SPOPL: variants seen among roughly 807,000 people sequenced by gnomAD.
SPOPL encodes the protein speckle type BTB/POZ protein like.
A neutral mutation model predicts 53.8 loss-of-function variants in SPOPL; 23 were observed. The observed-to-expected ratio is 0.43, with a 90% CI of 0.31 to 0.61. The LOEUF is 0.61. Among genes scored for constraint, SPOPL ranks in the 20% least tolerant of loss-of-function variants. The probability of loss-of-function intolerance (pLI) is 0.12; values close to 1 mark genes in which losing one functional copy is unlikely to be tolerated. For synonymous variants in SPOPL, 164 were observed against 149.7 expected (o/e 1.10, Z -0.70); for missense variants, 442 against 466.9 (o/e 0.95, Z 0.49).
chr2:138,530,371 G>A (rs559378452), intron 1 of SPOPL, among the ~76,000 whole-genome samples: 3 of 152,222 alleles, frequency 2.0e-5, no homozygotes, highest in Non-Finnish European at 4.4e-5. Context: ...TGGGTCGAAT[G>A]GTAGTTATGT....
At chr2:138,542,525 A>T (rs1415663115) in intron 1 of SPOPL, among the ~76,000 whole-genome samples, 1 of 152,022 alleles carries the variant, frequency 6.6e-6, no homozygotes, top group African/African-American at 2.4e-5. Flanking sequence ...TTGTTGGTTT[A>T]AAGTCTGTTT....
intron 1 of SPOPL, among the ~76,000 whole-genome samples, chr2:138,531,816 A>G (rs1481219238): frequency 6.6e-6 from 1 of 151,728 alleles, no homozygotes; most frequent in African/African-American, 2.4e-5. Flanking sequence ...GCTTTTATTC[A>G]TAAGCGTCTG....
At chr2:138,533,097 G>A (rs1684847739) in intron 1 of SPOPL, among the ~76,000 whole-genome samples, 1 of 152,084 alleles carries the variant, frequency 6.6e-6, no homozygotes, top group Non-Finnish European at 1.5e-5. Flanking sequence ...TGTGCTAAGG[G>A]TGTGTATATG....
At chr2:138,525,663 A>ACAAAAAC (rs1553468797) in intron 1 of SPOPL, among the ~76,000 whole-genome samples, 4 of 130,482 alleles carry the variant, frequency 3.1e-5, no homozygotes, top group Non-Finnish European at 4.7e-5. Context: ...GTAGAAAAAA[A>ACAAAAAC]AAAAAAAAAA....
At chr2:138,537,534 T>C (rs1171162165) in intron 1 of SPOPL, among the ~76,000 whole-genome samples, 1 of 152,222 alleles carries the variant, frequency 6.6e-6, no homozygotes, top group Admixed American at 6.5e-5. Context: ...GGATTTCATT[T>C]CTGCCTTTTA....
At chr2:138,564,590 T>A in intron 8 of SPOPL, 118 bp from the exon 9 acceptor site, 1 of 1,174,670 alleles carries the variant, frequency 8.5e-7, no homozygotes, top group Non-Finnish European at 1.2e-6. Flanking sequence ...TTAAAGAATT[T>A]TAAAATAATC....
chr2:138,513,528 C>T (rs1016073132), intron 1 of SPOPL, among the ~76,000 whole-genome samples: 7 of 151,686 alleles, frequency 4.6e-5, no homozygotes, highest in Admixed American at 1.3e-4. Context: ...CCAGTGTAGG[C>T]GACAGAGTGA....
intron 1 of SPOPL, among the ~76,000 whole-genome samples, chr2:138,529,532 G>T (rs1396743420): frequency 7.2e-6 from 1 of 139,740 alleles, no homozygotes; most frequent in African/African-American, 2.9e-5. Context: ...GTGTGTGTGT[G>T]TGTTTGCGTG....
chr2:138,532,866 A>G (rs1000766840), intron 1 of SPOPL, among the ~76,000 whole-genome samples: 3 of 151,968 alleles, frequency 2.0e-5, no homozygotes, highest in Non-Finnish European at 4.4e-5. Context: ...ACCTTTAAAC[A>G]TACTTATTTT....
intron 1 of SPOPL, among the ~76,000 whole-genome samples, chr2:138,533,232 T>C (rs1320077341): frequency 6.6e-6 from 1 of 152,194 alleles, no homozygotes; most frequent in African/African-American, 2.4e-5. Context: ...CTGATTCACA[T>C]TGGTCTCAGT....
intron 1 of SPOPL, among the ~76,000 whole-genome samples, chr2:138,535,940 A>G (rs1322848172): frequency 6.6e-6 from 1 of 152,106 alleles, no homozygotes; most frequent in Non-Finnish European, 1.5e-5. Context: ...CATTTCAGTT[A>G]TATGGTTCAG....
At chr2:138,534,700 C>G (rs1348282089) in intron 1 of SPOPL, among the ~76,000 whole-genome samples, 1 of 152,208 alleles carries the variant, frequency 6.6e-6, no homozygotes. Context: ...CAACTAGCAC[C>G]TCTGTCTAGT....
At chr2:138,502,406 C>T (rs988235887) in intron 1 of SPOPL, among the ~76,000 whole-genome samples, 1 of 152,236 alleles carries the variant, frequency 6.6e-6, no homozygotes, top group African/African-American at 2.4e-5. Flanking sequence ...TTTAGTTTTA[C>T]CCCCGGGCCT....
At chr2:138,528,171 G>C (rs573781150) in intron 1 of SPOPL, among the ~76,000 whole-genome samples, 1 of 152,296 alleles carries the variant, frequency 6.6e-6, no homozygotes, top group South Asian at 2.1e-4. Flanking sequence ...GGGCTTTGGC[G>C]TGATGGTAAA....
chr2:138,525,717 A>G (rs1245029171), intron 1 of SPOPL, among the ~76,000 whole-genome samples: 1 of 151,534 alleles, frequency 6.6e-6, no homozygotes, highest in Non-Finnish European at 1.5e-5. Context: ...ACATGGCTGT[A>G]TTCCCGGCTA....
chr2:138,532,502 C>T (rs1166522660), intron 1 of SPOPL, among the ~76,000 whole-genome samples: 1 of 138,848 alleles, frequency 7.2e-6, no homozygotes, highest in African/African-American at 2.6e-5. Flanking sequence ...TCTTGGCTCA[C>T]TGCAAGCTCT....
intron 1 of SPOPL, among the ~76,000 whole-genome samples, chr2:138,543,766 T>A (rs1295825995): frequency 1.3e-5 from 2 of 152,212 alleles, no homozygotes; most frequent in East Asian, 3.9e-4. Flanking sequence ...AGCTTTGTTC[T>A]GTTGCTAGTG....
intron 1 of SPOPL, among the ~76,000 whole-genome samples, chr2:138,545,240 C>T (rs1310027847): frequency 6.6e-6 from 1 of 151,998 alleles, no homozygotes; most frequent in Non-Finnish European, 1.5e-5. Flanking sequence ...GGTACCAGCA[C>T]CGTATACCAG....
intron 1 of SPOPL, among the ~76,000 whole-genome samples, chr2:138,522,996 A>G (rs899602085): frequency 6.6e-6 from 1 of 152,218 alleles, no homozygotes; most frequent in African/African-American, 2.4e-5. Context: ...TAGAGATGAT[A>G]TTATACTTAG....
Sources: gnomAD v4.1 joint callset for allele counts (sites outside exome capture counted in the v4.1 genomes callset) on GRCh38, gnomAD v4.1.1 for gene constraint, MANE v1.5 for transcripts, NCBI Gene and HGNC (gene_info 2026-07-23, HGNC 2026-07-21) for gene names.